Variants in CLNK observed in about 807,000 individuals in gnomAD.
CLNK encodes cytokine dependent hematopoietic cell linker.
CLNK carries 74 observed loss-of-function variants against 68.6 expected under a neutral mutation model. The observed-to-expected ratio is 1.08, with a 90% CI of 0.89 to 1.31. The LOEUF (loss-of-function observed/expected upper bound fraction) is 1.31. CLNK is among the 50% of genes most tolerant of loss of function. The pLI, the probability that CLNK is intolerant of heterozygous loss-of-function variation, is 0.00. For missense variants in CLNK, 553 were observed against 515.3 expected, an observed-to-expected ratio of 1.07 and a Z score of -0.71; for synonymous variants, 198 against 172.2, an observed-to-expected ratio of 1.15 and a Z score of -1.17.
intron 2 of CLNK, among the ~76,000 whole-genome samples, chr4:10,663,454 T>G (rs1361965878): frequency 6.6e-6 from 1 of 152,242 alleles, no homozygotes; most frequent in Non-Finnish European, 1.5e-5. Context: ...TAGATCTTAT[T>G]CAACTTTATA....
At chr4:10,534,340 G>A (rs939109840) in intron 11 of CLNK, among the ~76,000 whole-genome samples, 7 of 152,022 alleles carry the variant, frequency 4.6e-5, no homozygotes, top group African/African-American at 9.7e-5. Flanking sequence ...TGAAGATGGC[G>A]AAAAAAACCA....
intron 1 of CLNK, among the ~76,000 whole-genome samples, chr4:10,676,992 T>TTG (rs1553866267): frequency 5.3e-5 from 8 of 151,690 alleles, no homozygotes; most frequent in Non-Finnish European, 1.2e-4. Flanking sequence ...TTTTTTTTTT[T>TTG]TTGGCTTCCA....
chr4:10,524,992 A>G (rs1718244104), intron 14 of CLNK, among the ~76,000 whole-genome samples: 1 of 152,158 alleles, frequency 6.6e-6, no homozygotes, highest in African/African-American at 2.4e-5. Context: ...CAGCACTAAT[A>G]CTGGAGGCCC....
chr4:10,734,204 A>C, the CLNK span, among the ~76,000 whole-genome samples: 1 of 152,326 alleles, frequency 6.6e-6, no homozygotes, highest in African/African-American at 2.4e-5. Flanking sequence ...ACTGATTCCC[A>C]ATCGTAGGAT....
At chr4:10,601,089 G>T (rs1219266638) in intron 2 of CLNK, among the ~76,000 whole-genome samples, 1 of 152,154 alleles carries the variant, frequency 6.6e-6, no homozygotes, top group Non-Finnish European at 1.5e-5. Flanking sequence ...GTAGCGAATA[G>T]GCAGGCATTC....
At chr4:10,690,255 G>T in the CLNK span, among the ~76,000 whole-genome samples, 2 of 152,226 alleles carry the variant, frequency 1.3e-5, no homozygotes, top group Middle Eastern at 3.4e-3. Flanking sequence ...CAACCACCCT[G>T]ACTAAACCAT....
chr4:10,539,364 G>A (rs1031995236), intron 11 of CLNK, among the ~76,000 whole-genome samples: 2 of 152,198 alleles, frequency 1.3e-5, no homozygotes, highest in African/African-American at 2.4e-5. Flanking sequence ...TTCCCCATTA[G>A]AATCAGTGAT....
the CLNK span, among the ~76,000 whole-genome samples, chr4:10,722,296 A>C: frequency 5.3e-5 from 8 of 152,208 alleles, no homozygotes; most frequent in Non-Finnish European, 1.0e-4. Context: ...GATGACCCCC[A>C]GTATAAAATC....
the CLNK span, among the ~76,000 whole-genome samples, chr4:10,732,334 G>T: frequency 6.6e-6 from 1 of 152,216 alleles, no homozygotes; most frequent in South Asian, 2.1e-4. Flanking sequence ...AGCACACAAA[G>T]CTAGCAGCCC....
intron 4 of CLNK, among the ~76,000 whole-genome samples, chr4:10,584,159 C>T (rs1433030734): frequency 6.6e-6 from 1 of 152,190 alleles, no homozygotes; most frequent in Non-Finnish European, 1.5e-5. Context: ...TCGTATTTCC[C>T]ACTTTCACTT....
intron 15 of CLNK, among the ~76,000 whole-genome samples, chr4:10,519,705 C>G (rs1050148905): frequency 6.6e-6 from 1 of 151,854 alleles, no homozygotes; most frequent in African/African-American, 2.4e-5. Context: ...TGGAAGCCAG[C>G]GAGACAACCC....
At chr4:10,508,680 C>T (rs1384345265) in intron 16 of CLNK, among the ~76,000 whole-genome samples, 1 of 152,128 alleles carries the variant, frequency 6.6e-6, no homozygotes, top group Admixed American at 6.6e-5. Flanking sequence ...ATTAAATAAC[C>T]CCCCTTGTGA....
intron 4 of CLNK, among the ~76,000 whole-genome samples, chr4:10,575,289 T>C (rs982682248): frequency 2.6e-5 from 4 of 152,194 alleles, no homozygotes; most frequent in African/African-American, 9.7e-5. Flanking sequence ...TCTCCTTGAG[T>C]CTGCCAGCAC....
At chr4:10,691,123 G>T in the CLNK span, among the ~76,000 whole-genome samples, 2 of 152,254 alleles carry the variant, frequency 1.3e-5, no homozygotes, top group Non-Finnish European at 2.9e-5. Context: ...GGAAACCCAT[G>T]AGAAGTTCCA....
chr4:10,654,888 G>T (rs1472793276), intron 2 of CLNK, among the ~76,000 whole-genome samples: 2 of 152,020 alleles, frequency 1.3e-5, no homozygotes, highest in African/African-American at 4.8e-5. Context: ...GGATCACTAG[G>T]TCAGGAGATC....
intron 1 of CLNK, among the ~76,000 whole-genome samples, chr4:10,680,177 C>T (rs1335939112): frequency 1.3e-5 from 2 of 151,902 alleles, no homozygotes; most frequent in East Asian, 3.9e-4. Flanking sequence ...TCATGGAATA[C>T]TATGCAGCCA....
intron 5 of CLNK, among the ~76,000 whole-genome samples, chr4:10,566,369 C>A (rs1325515027): frequency 6.6e-6 from 1 of 152,188 alleles, no homozygotes; most frequent in African/African-American, 2.4e-5. Flanking sequence ...TGAATCAATA[C>A]TAATCTAGGT....
chr4:10,650,975 A>C (rs1723710833), intron 2 of CLNK, among the ~76,000 whole-genome samples: 1 of 152,220 alleles, frequency 6.6e-6, no homozygotes, highest in Non-Finnish European at 1.5e-5. Flanking sequence ...GTCCTTAGAG[A>C]TATGCAAATC....
the CLNK span, among the ~76,000 whole-genome samples, chr4:10,700,396 G>A: frequency 6.6e-6 from 1 of 152,138 alleles, no homozygotes; most frequent in Non-Finnish European, 1.5e-5. Flanking sequence ...TATATATCCA[G>A]GCTGACTTTA....
Sources: allele counts gnomAD v4.1 joint callset (sites outside exome capture counted in the v4.1 genomes callset), GRCh38; gene constraint gnomAD v4.1.1; transcripts MANE v1.5; gene names NCBI Gene and HGNC (gene_info 2026-07-23, HGNC 2026-07-21).